MAP3K2: variants seen among roughly 807,000 people sequenced by gnomAD.
MAP3K2 encodes mitogen-activated protein kinase kinase kinase 2.
Under a neutral mutation model 80.3 loss-of-function variants are expected in MAP3K2, and 24 were observed. The observed-to-expected ratio is 0.30, with a 90% CI of 0.22 to 0.42. The LOEUF is 0.42. Ranked by LOEUF, MAP3K2 falls within the 10% of genes least tolerant of loss-of-function variation. The probability of loss-of-function intolerance (pLI) is 1.00; values close to 1 mark genes in which losing one functional copy is unlikely to be tolerated. For synonymous variants in MAP3K2, 244 were observed against 253.7 expected (o/e 0.96, Z 0.36); for missense variants, 608 against 750.1 (o/e 0.81, Z 2.21).
At chr2:127,331,278 A>C (rs940006080) in intron 5 of MAP3K2, among the ~76,000 whole-genome samples, 3 of 152,206 alleles carry the variant, frequency 2.0e-5, no homozygotes, top group Admixed American at 1.3e-4. Context: ...TAGTAACTTA[A>C]GAAGACTCTG....
intron 4 of MAP3K2, among the ~76,000 whole-genome samples, chr2:127,336,694 A>G (rs1686379062): frequency 6.6e-6 from 1 of 152,262 alleles, no homozygotes. Context: ...ATAGGAAAAT[A>G]GATTGGATAG....
chr2:127,371,124 C>A (rs146330004), intron 1 of MAP3K2, among the ~76,000 whole-genome samples: 1 of 152,192 alleles, frequency 6.6e-6, no homozygotes, highest in African/African-American at 2.4e-5. Context: ...CATTTCCTTA[C>A]GAAAGGAATG....
At position 127,307,728 on chromosome 2, in the gene MAP3K2, A is replaced by G; in HGVS notation, c.1711T>C (p.Phe571Leu). ...WAEFEAMAAIFKIATQPTNPK... is the reference protein window; with the variant it reads ...WAEFEAMAAILKIATQPTNPK... The stretch of plus-strand genomic sequence containing the variant: ...TTTGTTGGCTGAGTGGCGATTTTAA[A>G]GATGGCAGCCATTGCTTCAAATTCA... The change falls in exon 17 of 17, where the codon TTT (phenylalanine) becomes CTT (leucine). Residue 571 changes from phenylalanine to leucine, a missense_variant. By Grantham distance (22) the Phe-to-Leu change is conservative. This residue lies in a region of MAP3K2 where 11 missense variants were observed against 42.2 expected (regional missense o/e 0.26). Transcript: ENST00000682094. This position sits in a 1 kb window ranked among gnomAD's most constrained non-coding sequence, Gnocchi z 5.4. 1 of 1,598,206 alleles carries G rather than the reference A, an allele frequency of 6.3e-7. No homozygotes were observed. Among genetic ancestry groups the G allele is most frequent in the Non-Finnish European group, 8.5e-7 (1 of 1,171,790 alleles).
intron 1 of MAP3K2, among the ~76,000 whole-genome samples, chr2:127,353,257 C>T (rs1446017616): frequency 6.6e-6 from 1 of 151,934 alleles, no homozygotes; most frequent in Non-Finnish European, 1.5e-5. Flanking sequence ...AAGTGACGAG[C>T]GTCTCTGCCC....
chr2:127,332,947 T>C (rs1012477914), intron 5 of MAP3K2, among the ~76,000 whole-genome samples: 1 of 151,906 alleles, frequency 6.6e-6, no homozygotes, highest in Non-Finnish European at 1.5e-5. Flanking sequence ...CTGGGCAACA[T>C]GGTGAAACCA....
At chr2:127,373,682 G>T (rs1355985910) in intron 1 of MAP3K2, among the ~76,000 whole-genome samples, 1 of 152,154 alleles carries the variant, frequency 6.6e-6, no homozygotes, top group Non-Finnish European at 1.5e-5. Context: ...CCCCTACAGG[G>T]TTAACAAGAC....
At chr2:127,331,237 A>T (rs1404930136) in intron 5 of MAP3K2, among the ~76,000 whole-genome samples, 1 of 152,146 alleles carries the variant, frequency 6.6e-6, no homozygotes, top group South Asian at 2.1e-4. Context: ...AGAAATAAAA[A>T]TATGTCCTTT....
chr2:127,369,527 CT>C (rs1687027668), intron 1 of MAP3K2, among the ~76,000 whole-genome samples: 1 of 142,432 alleles, frequency 7.0e-6, no homozygotes, highest in Non-Finnish European at 1.5e-5. Flanking sequence ...ATGACTTCAT[CT>C]TAGATTGGAG....
intron 1 of MAP3K2, among the ~76,000 whole-genome samples, chr2:127,383,567 T>C (rs1461062111): frequency 6.6e-6 from 1 of 152,254 alleles, no homozygotes; most frequent in East Asian, 1.9e-4. Context: ...ATTCAAGAGG[T>C]TTTTGGTGGC....
intron 15 of MAP3K2, among the ~76,000 whole-genome samples, chr2:127,311,771 T>A (rs1465189350): frequency 6.6e-6 from 1 of 152,164 alleles, no homozygotes; most frequent in African/African-American, 2.4e-5. Flanking sequence ...TATTATCAAA[T>A]ATATAGTCGG....
chr2:127,363,708 CTTAT>C (rs1686926738), intron 1 of MAP3K2, among the ~76,000 whole-genome samples: 1 of 152,122 alleles, frequency 6.6e-6, no homozygotes, highest in African/African-American at 2.4e-5. Context: ...AATGTATTTA[CTTAT>C]TTATTTTAGA....
rs1396999429 is a variant in MAP3K2, at chr2:127,302,868, C to T, written c.*4711G>A. On this transcript the variant is annotated 3_prime_UTR_variant, in exon 17 of 17. Transcript: ENST00000682094. ...CACAGACAAATCCTAATGTTTCTCT[C>T]CTAACATTTATTTATTTATTTATTT... 5.3e-5 allele frequency: 8 copies of T among 151,996 alleles called. No individual in the cohort carries two copies. In the East Asian group the frequency reaches 1.4e-3, roughly 26 times the overall value. The allele number at this position is 151,996 out of a possible 1,614,324, so 9.4% of individuals were successfully genotyped here. A position where few individuals can be genotyped will look rare whatever the true frequency, so the allele number is the denominator to read the frequency against.
intron 1 of MAP3K2, among the ~76,000 whole-genome samples, chr2:127,383,494 T>C (rs1489282140): frequency 6.6e-6 from 1 of 152,250 alleles, no homozygotes; most frequent in Admixed American, 6.5e-5. Context: ...CATTGGTGTA[T>C]AGAAATGCTC....
At chr2:127,361,888 T>C (rs922771499) in intron 1 of MAP3K2, among the ~76,000 whole-genome samples, 4 of 152,218 alleles carry the variant, frequency 2.6e-5, no homozygotes, top group East Asian at 1.9e-4. Flanking sequence ...GAAATGAAGA[T>C]AGAAGAGACT....
Position 127,322,181 on chromosome 2 carries a change from T to C in MAP3K2, c.910A>G (p.Thr304Ala), listed in dbSNP as rs192818915. The change falls in exon 12 of 17, where the codon ACT (threonine) becomes GCT (alanine). Residue 304 changes from threonine to alanine, a missense_variant. By Grantham distance (58) the Thr-to-Ala change is moderately conservative. Around this residue, in one of 4 missense-constraint regions of MAP3K2, gnomAD observed 467 missense variants for 521.9 expected, o/e 0.89. Transcript: ENST00000682094. The surrounding 1 kb of genome is among the most constrained non-coding windows in gnomAD (Gnocchi z 4.2). The part of the protein sequence containing the change: ...SLRSPVSFSP[T>A]DHSLSTSSGS... The stretch of plus-strand genomic sequence containing the variant: ...CTACTAGTGCTTAAGGAATGATCAG[T>C]AGGACTGAAACTCACAGGAGACCGT... The C allele has an allele frequency of 1.2e-5, 19 of 1,613,976 alleles. No homozygotes were observed. The East Asian group carries it at 2.5e-4, about 21-fold the overall frequency.
rs1467346320 is a variant in MAP3K2, at chr2:127,387,798, G to A, written c.-412C>T. ...CGCGGGCCCGCGTCGCTAGAGACCG[G>A]AGAAGAGGCGGGAGTGGCGACTCTG... On this transcript the variant is annotated 5_prime_UTR_variant, in exon 1 of 17. Transcript: ENST00000682094. The A allele has an allele frequency of 3.0e-6, 3 of 985,144 alleles. No individual in the cohort carries two copies. The highest frequency in any genetic ancestry group is 3.6e-6 in the Non-Finnish European group (3 of 829,782). The allele number at this position is 985,144 out of a possible 1,614,324, so 61.0% of individuals were successfully genotyped here. A position where few individuals can be genotyped will look rare whatever the true frequency, so the allele number is the denominator to read the frequency against.
intron 1 of MAP3K2, among the ~76,000 whole-genome samples, chr2:127,362,301 T>C (rs780078686): frequency 7.2e-5 from 11 of 152,246 alleles, no homozygotes; most frequent in East Asian, 3.8e-4. Context: ...TATGGCATAA[T>C]AGTATCTCAA....
rs928282425 is a variant in MAP3K2, at chr2:127,363,245, T to C, written c.-65-20051A>G. Among the ~76,000 whole-genome samples the C allele has an allele frequency of 2.0e-5, 3 of 152,194 alleles. 1 individual carries two copies. Among genetic ancestry groups the C allele is most frequent in the Non-Finnish European group, 2.9e-5 (2 of 68,036 alleles). On this transcript the variant is annotated intron_variant, in intron 1 of 16. Transcript: ENST00000682094. ...GTGTATTACACTGCCTCTCGTTGTT[T>C]GTTTATTTTTTTCAACCAACATTTA...
intron 15 of MAP3K2, 91 bp downstream of exon 15, chr2:127,314,663 A>C: frequency 9.9e-7 from 1 of 1,005,854 alleles, no homozygotes; most frequent in Non-Finnish European, 1.5e-6. Flanking sequence ...GAGACAGATG[A>C]ATTAATGTTA....
Sources: gnomAD v4.1 joint callset for allele counts (sites outside exome capture counted in the v4.1 genomes callset) on GRCh38, gnomAD v4.1.1 for gene constraint, gnomAD v4.1.1 regional missense constraint, Gnocchi (gnomAD v3.1) non-coding constraint, MANE v1.5 for transcripts, NCBI Gene and HGNC (gene_info 2026-07-23, HGNC 2026-07-21) for gene names.